The following FAM131B variants were observed in gnomAD, a reference collection of about 807,000 sequenced individuals.
FAM131B encodes family with sequence similarity 131 member B, also known as protein FAM131B.
Under a neutral mutation model 42.0 loss-of-function variants are expected in FAM131B, and 19 were observed. That is an observed-to-expected ratio of 0.45 (90% confidence interval 0.32 to 0.66). FAM131B has a LOEUF of 0.66. Among genes scored for constraint, FAM131B ranks in the 30% least tolerant of loss-of-function variants. The pLI is 0.05. For missense variants in FAM131B, 370 were observed against 468.4 expected (o/e 0.79, Z 1.94); for synonymous variants, 183 against 177.6 (o/e 1.03, Z -0.24).
chr7:143,356,299 C>T lies in FAM131B; in HGVS notation c.*251G>A. The T allele has an allele frequency of 1.9e-6, 1 of 520,972 alleles. No individual in the cohort carries two copies. Among genetic ancestry groups the T allele is most frequent in the Non-Finnish European group, 3.4e-6 (1 of 290,790 alleles). The allele number at this position is 520,972 out of a possible 1,614,324, so 32.3% of individuals were successfully genotyped here. ...GACCCAGAAGCCCACAGCCCAGGTC[C>T]TTCTCCACAGCCACACCAAGCTCAC... On this transcript the variant is annotated 3_prime_UTR_variant, in exon 7 of 7. Transcript: ENST00000443739. This position sits in a 1 kb window ranked among gnomAD's most constrained non-coding sequence, Gnocchi z 4.4.
At chr7:143,366,091 A>G (rs1490709161), upstream of FAM131B, among the ~76,000 whole-genome samples, 1 of 152,152 alleles carries the variant, frequency 6.6e-6, no homozygotes, top group African/African-American at 2.4e-5. Context: ...CAGAGGGAAA[A>G]TCTATTCTGG....
In FAM131B at chr7:143,358,692, C is replaced by G; in HGVS notation, c.466+135G>C. 2 of 674,202 alleles carry G rather than the reference C, an allele frequency of 3.0e-6. No individual in the cohort carries two copies. The highest frequency in any genetic ancestry group is 5.2e-6 in the Non-Finnish European group (2 of 385,312). 41.8% of individuals were successfully genotyped at this position (674,202 alleles called of 1,614,324 possible). The stretch of plus-strand genomic sequence containing the variant: ...TTATTTGAATTACCACATCAAAATA[C>G]TTAGAGCTGTTTGGGAAATGTGAAT... On this transcript the variant is annotated intron_variant, in intron 5 of 6. Transcript: ENST00000443739. This position sits in a 1 kb window ranked among gnomAD's most constrained non-coding sequence, Gnocchi z 4.7.
chr7:143,366,385 T>TATCTATC, upstream of FAM131B, among the ~76,000 whole-genome samples: 1 of 152,110 alleles, frequency 6.6e-6, no homozygotes, highest in South Asian at 2.1e-4. Context: ...GGTGTTAGAG[T>TATCTATC]ATCTATCTTC....
rs1342191354 is a variant in FAM131B, at chr7:143,353,622, G to A, written c.*2928C>T. 6.6e-6 allele frequency: 1 copy of A among 152,542 alleles called. No homozygotes were observed. Among genetic ancestry groups the A allele is most frequent in the African/African-American group, 2.4e-5 (1 of 41,392 alleles). The allele number at this position is 152,542 out of a possible 1,614,324, so 9.4% of individuals were successfully genotyped here. A position where few individuals can be genotyped will look rare whatever the true frequency, so the allele number is the denominator to read the frequency against. On this transcript the variant is annotated 3_prime_UTR_variant, in exon 7 of 7. Transcript: ENST00000443739. ...TCATAGAATCTCTCTTGGGCCTGGC[G>A]TGGGAATGTGACATTAAGAAAACAT... is the stretch of plus-strand genomic sequence containing the variant.
chr7:143,381,873 C>T, the FAM131B span: 2 of 1,261,970 alleles, frequency 1.6e-6, no homozygotes, highest in Non-Finnish European at 1.1e-6. Context: ...AGGTTGTTGC[C>T]GAGGGGGCTG....
intron 1 of FAM131B, chr7:143,361,554 C>G (rs868332088): frequency 6.9e-6 from 1 of 144,996 alleles, no homozygotes; most frequent in Non-Finnish European, 1.5e-5. Context: ...AATAATAATA[C>G]GAATTATTCT....
chr7:143,371,494 G>A, the FAM131B span, among the ~76,000 whole-genome samples: 253 of 151,684 alleles, frequency 1.7e-3, 1 homozygote, highest in Admixed American at 2.5e-3. Flanking sequence ...CATGCCTGTG[G>A]TCCCAGCTAC....
the FAM131B span, chr7:143,381,875 A>C: frequency 3.2e-6 from 4 of 1,258,618 alleles, no homozygotes; most frequent in East Asian, 1.0e-4. Flanking sequence ...GTTGTTGCCG[A>C]GGGGGCTGGG....
the FAM131B span, chr7:143,381,089 G>C: frequency 1.7e-6 from 1 of 584,108 alleles, no homozygotes. Context: ...TCTGAGCCGG[G>C]CTGGGGCGGC....
chr7:143,382,111 C>T, the FAM131B span: 9 of 745,868 alleles, frequency 1.2e-5, no homozygotes, highest in South Asian at 1.7e-4. Context: ...GGGCGCCCTG[C>T]GCCCCTCCTT....
the FAM131B span, chr7:143,380,731 G>A: frequency 1.0e-6 from 1 of 985,342 alleles, no homozygotes; most frequent in East Asian, 1.1e-4. This position sits in a 1 kb window ranked among gnomAD's most constrained non-coding sequence, Gnocchi z 5.0. Flanking sequence ...TCCGGGCACA[G>A]AGTCAGCTGG....
chr7:143,357,337 G>A lies in FAM131B; in HGVS notation c.553C>T (p.Gln185Ter). ...CTGTAGTTGCAGCCCAATGGCTCCT[G>A]GGTGGAGTTCACACTCATGTCCTCA... ...DGEDMSVNSTQEPLGCNYSDN... is the reference protein window; with the variant it reads ...DGEDMSVNST The change falls in exon 6 of 7, where the codon CAG (glutamine) becomes TAG (stop). Residue 185 changes from glutamine (Q) to a stop codon, truncating the protein, a stop_gained. Coordinates refer to ENST00000443739, the MANE Select transcript of FAM131B (RefSeq NM_001031690.3). LOFTEE classifies it high-confidence loss of function. The A allele has an allele frequency of 6.2e-7, 1 of 1,613,950 alleles. No individual in the cohort carries two copies.
the FAM131B span, chr7:143,380,149 A>G: frequency 1.0e-6 from 1 of 985,208 alleles, no homozygotes; most frequent in Non-Finnish European, 1.2e-6. The surrounding 1 kb of genome is among the most constrained non-coding windows in gnomAD (Gnocchi z 5.0). Context: ...ACGGGTGCAT[A>G]CTGGACTAGC....
chr7:143,362,860 G>T (rs1341560552), upstream of FAM131B: 3 of 150,708 alleles, frequency 2.0e-5, no homozygotes, highest in Admixed American at 2.0e-4. The surrounding 1 kb of genome is among the most constrained non-coding windows in gnomAD (Gnocchi z 7.7). Context: ...GATTGGCTGC[G>T]CCCCGCGCCT....
At position 143,357,419 on chromosome 7, in the gene FAM131B, G is replaced by T. The variant is rs1446417919; in HGVS notation, c.471C>A (p.Val157=). 1 of 1,605,664 alleles carries T rather than the reference G, an allele frequency of 6.2e-7. No homozygotes were observed. The change falls in exon 6 of 7, where the codon GTC becomes GTA. Residue 157 remains valine, a synonymous_variant. Transcript: ENST00000443739. ...CCTCAGAGATAGCAAACTGCTCCAT[G>T]ACGCCTGGGGGAAGAAATGCAACAA... ...GEKEARFLAG[V]MEQFAISEAT...
Position 143,356,568 on chromosome 7 carries a change from TTCC to T in FAM131B, c.1062_1064del (p.Glu355del), listed in dbSNP as rs1803662743. 1 of 1,612,836 alleles carries T rather than the reference TTCC, an allele frequency of 6.2e-7. No individual in the cohort carries two copies. Among genetic ancestry groups the T allele is most frequent in the African/African-American group, 1.3e-5 (1 of 74,806 alleles). On this transcript the variant is annotated inframe_deletion, in exon 7 of 7. Coordinates refer to ENST00000443739, the MANE Select transcript of FAM131B (RefSeq NM_001031690.3). This position sits in a 1 kb window ranked among gnomAD's most constrained non-coding sequence, Gnocchi z 4.4. ...GAGGAAACTAGTTGTTGGCCTCGCC[TTCC>T]TCCTCATCAAAGGACTGCACACCTG...
intron 5 of FAM131B, 126 bp from the exon 6 acceptor site, chr7:143,357,549 T>A (rs952492491): frequency 4.6e-6 from 3 of 653,760 alleles, no homozygotes; most frequent in African/African-American, 3.7e-5. Flanking sequence ...TATATCATTT[T>A]AAATTTTCCA....
chr7:143,382,055 C>T, the FAM131B span: 7 of 612,790 alleles, frequency 1.1e-5, no homozygotes, highest in East Asian at 2.0e-4. Context: ...GGGAGCTGCA[C>T]CACTCCTCGG....
Position 143,362,625 on chromosome 7 carries a change from G to A in FAM131B, c.-22C>T. ...CCATGGCTCCGGGGGCCGCAGAGCC[G>A]GGCCCTCACCGACTCGGGGCGCGCG... On this transcript the variant is annotated 5_prime_UTR_variant, in exon 1 of 7. Coordinates refer to ENST00000443739, the MANE Select transcript of FAM131B (RefSeq NM_001031690.3). The surrounding 1 kb of genome is among the most constrained non-coding windows in gnomAD (Gnocchi z 7.7). The A allele has an allele frequency of 8.3e-7, 1 of 1,209,158 alleles. No homozygotes were observed. The allele number at this position is 1,209,158 out of a possible 1,614,324, so 74.9% of individuals were successfully genotyped here.
Sources: allele counts gnomAD v4.1 joint callset (sites outside exome capture counted in the v4.1 genomes callset), GRCh38; gene constraint gnomAD v4.1.1; non-coding constraint Gnocchi (gnomAD v3.1); transcripts MANE v1.5; gene names NCBI Gene and HGNC (gene_info 2026-07-23, HGNC 2026-07-21).